Variants in EEIG2 observed in about 807,000 individuals in gnomAD.
The protein encoded by EEIG2 is family with sequence similarity 102 member B.
chr1:108,613,010 G>A, the EEIG2 span, among the ~76,000 whole-genome samples: 2 of 152,154 alleles, frequency 1.3e-5, no homozygotes, highest in African/African-American at 2.4e-5. Context: ...CTTTTTTGCA[G>A]CAAATCTTAA....
At chr1:108,639,001 T>G in the EEIG2 span, 1 of 152,240 alleles carries the variant, frequency 6.6e-6, no homozygotes, top group Non-Finnish European at 1.5e-5. Context: ...CTGATATGCG[T>G]TGACCAAATC....
chr1:108,560,705 G>A, the EEIG2 span: 2 of 1,044,410 alleles, frequency 1.9e-6, no homozygotes, highest in Non-Finnish European at 2.7e-6. Context: ...TCTGCAAAGT[G>A]CTTTGCAAAT....
the EEIG2 span, among the ~76,000 whole-genome samples, chr1:108,580,248 C>T: frequency 1.1e-4 from 16 of 152,248 alleles, no homozygotes; most frequent in Middle Eastern, 3.4e-3. Flanking sequence ...TAGAAGGTGG[C>T]GAACTTAGTA....
the EEIG2 span, among the ~76,000 whole-genome samples, chr1:108,592,231 A>G: frequency 6.6e-6 from 1 of 152,232 alleles, no homozygotes; most frequent in Non-Finnish European, 1.5e-5. Flanking sequence ...TAACACAGGC[A>G]AGAATTGGTA....
chr1:108,592,079 G>C, the EEIG2 span, among the ~76,000 whole-genome samples: 1 of 152,308 alleles, frequency 6.6e-6, no homozygotes, highest in South Asian at 2.1e-4. Context: ...ATTTTAAAAA[G>C]AGTTCTCTGG....
chr1:108,633,663 C>A, the EEIG2 span, among the ~76,000 whole-genome samples: 6 of 152,172 alleles, frequency 3.9e-5, no homozygotes, highest in African/African-American at 1.4e-4. Context: ...TTAAGATTTT[C>A]TGTTTATTAC....
chr1:108,598,783 T>C, the EEIG2 span, among the ~76,000 whole-genome samples: 1 of 152,340 alleles, frequency 6.6e-6, no homozygotes, highest in East Asian at 1.9e-4. Context: ...TTTTAAATTA[T>C]GTTTGCTTTT....
the EEIG2 span, chr1:108,626,545 T>C: frequency 5.3e-5 from 8 of 152,238 alleles, no homozygotes; most frequent in Non-Finnish European, 1.2e-4. Flanking sequence ...TTTGTGCCTA[T>C]GAAACATCTC....
At chr1:108,581,635 G>A in the EEIG2 span, among the ~76,000 whole-genome samples, 15 of 152,298 alleles carry the variant, frequency 9.8e-5, 1 homozygote, top group African/African-American at 3.6e-4. Context: ...AAAATAGCAA[G>A]GGAACAAGAA....
the EEIG2 span, chr1:108,600,501 G>A: frequency 6.4e-7 from 1 of 1,555,154 alleles, no homozygotes; most frequent in Non-Finnish European, 8.8e-7. Flanking sequence ...GTGAAAGTAT[G>A]GGTGTGCTTT....
chr1:108,589,363 C>G, the EEIG2 span, among the ~76,000 whole-genome samples: 145 of 152,278 alleles, frequency 9.5e-4, 2 homozygotes, highest in East Asian at 0.023. Context: ...ATTTTCTCCA[C>G]TTTATTACTA....
chr1:108,628,239 C>T, the EEIG2 span: 1 of 1,614,034 alleles, frequency 6.2e-7, no homozygotes, highest in Non-Finnish European at 8.5e-7. Context: ...TCAAGCTATG[C>T]AAGTCAGCAG....
the EEIG2 span, chr1:108,628,118 C>A: frequency 6.7e-7 from 1 of 1,493,902 alleles, no homozygotes. Context: ...ACAAATTGAC[C>A]ATTAACTTTT....
chr1:108,590,352 GAA>G, the EEIG2 span, among the ~76,000 whole-genome samples: 1 of 152,066 alleles, frequency 6.6e-6, no homozygotes, highest in Non-Finnish European at 1.5e-5. Context: ...TTAAGAAGTA[GAA>G]ATCTTCATTA....
chr1:108,625,436 AG>A, the EEIG2 span: 1 of 152,210 alleles, frequency 6.6e-6, no homozygotes, highest in Non-Finnish European at 1.5e-5. Flanking sequence ...ATTGTTTGAA[AG>A]AAGGGAAAGG....
the EEIG2 span, among the ~76,000 whole-genome samples, chr1:108,577,976 G>A: frequency 1.3e-5 from 2 of 150,022 alleles, no homozygotes; most frequent in African/African-American, 2.5e-5. Context: ...TTATTTCCTT[G>A]AGCAGTGGTT....
the EEIG2 span, among the ~76,000 whole-genome samples, chr1:108,591,747 C>T: frequency 6.6e-6 from 1 of 152,144 alleles, no homozygotes; most frequent in South Asian, 2.1e-4. Context: ...TCATATGGGA[C>T]ACCGAGTTGC....
At chr1:108,583,773 C>T in the EEIG2 span, among the ~76,000 whole-genome samples, 4 of 151,822 alleles carry the variant, frequency 2.6e-5, no homozygotes, top group East Asian at 5.8e-4. Flanking sequence ...TAAGATAATC[C>T]ACCGGGACAA....
chr1:108,599,422 T>C, the EEIG2 span, among the ~76,000 whole-genome samples: 1 of 152,208 alleles, frequency 6.6e-6, no homozygotes, highest in Non-Finnish European at 1.5e-5. Flanking sequence ...GTTTTCTCTT[T>C]ATTTCATCTG....
Sources: gnomAD v4.1 joint callset for allele counts (sites outside exome capture counted in the v4.1 genomes callset) on GRCh38, gnomAD v4.1.1 for gene constraint, MANE v1.5 for transcripts, NCBI Gene and HGNC (gene_info 2026-07-23, HGNC 2026-07-21) for gene names.